HDAC9: variants seen among roughly 807,000 people sequenced by gnomAD.
HDAC9 encodes histone deacetylase 9.
In HDAC9, 41 loss-of-function variants were observed where a neutral mutation model predicts 139.4. The ratio of observed to expected loss-of-function variants is 0.29; its 90% confidence interval spans 0.23 to 0.38. The LOEUF (loss-of-function observed/expected upper bound fraction) is 0.38. Among genes scored for constraint, HDAC9 ranks in the 10% least tolerant of loss-of-function variants. HDAC9 has a pLI of 1.00. For synonymous variants in HDAC9, 517 were observed against 476.2 expected, an observed-to-expected ratio of 1.09 and a Z score of -1.12; for missense variants, 1,147 against 1,297.0, an observed-to-expected ratio of 0.88 and a Z score of 1.78.
chr7:18,593,742 T>C (rs1316859040), intron 5 of HDAC9, among the ~76,000 whole-genome samples, 166 bp from the exon 6 acceptor site: 3 of 152,130 alleles, frequency 2.0e-5, no homozygotes, highest in Non-Finnish European at 2.9e-5. Context: ...TTCCATAGCA[T>C]ACTGCTACAG....
At chr7:18,807,138 T>G (rs76680541) in intron 17 of HDAC9, among the ~76,000 whole-genome samples, 4,225 of 152,282 alleles carry the variant, frequency 0.028, 195 homozygotes, top group African/African-American at 0.097. Context: ...TGCTGTTGCC[T>G]GCTTCAGATT....
At chr7:18,968,333 A>T (rs1784017965) in intron 24 of HDAC9, among the ~76,000 whole-genome samples, 1 of 152,196 alleles carries the variant, frequency 6.6e-6, no homozygotes, top group Non-Finnish European at 1.5e-5. Context: ...AGAAATCAAA[A>T]ATATTCAATA....
intron 1 of HDAC9, among the ~76,000 whole-genome samples, chr7:18,382,560 G>C (rs1785534569): frequency 6.6e-6 from 1 of 152,242 alleles, no homozygotes; most frequent in Admixed American, 6.5e-5. Context: ...TGCGCCCATG[G>C]AGTGTATTAT....
At chr7:18,918,164 G>T (rs1177144172) in intron 22 of HDAC9, among the ~76,000 whole-genome samples, 1 of 152,032 alleles carries the variant, frequency 6.6e-6, no homozygotes, top group Non-Finnish European at 1.5e-5. Flanking sequence ...CGAACAGGAA[G>T]AAAAGGAGAT....
intron 12 of HDAC9, among the ~76,000 whole-genome samples, chr7:18,695,219 GT>G (rs1165524528): frequency 6.6e-6 from 1 of 152,142 alleles, no homozygotes; most frequent in Non-Finnish European, 1.5e-5. Context: ...GACATCTGCA[GT>G]TGTAGCTTGG....
chr7:18,582,681 A>G (rs1170885379), intron 2 of HDAC9, among the ~76,000 whole-genome samples: 3 of 152,208 alleles, frequency 2.0e-5, no homozygotes, highest in Non-Finnish European at 4.4e-5. Context: ...GGTGATTTCA[A>G]TAACAATACT....
At chr7:18,420,817 G>A (rs1291695945) in intron 1 of HDAC9, among the ~76,000 whole-genome samples, 1 of 152,174 alleles carries the variant, frequency 6.6e-6, no homozygotes, top group Non-Finnish European at 1.5e-5. Flanking sequence ...ACAAAATGAA[G>A]CAATTAAGTG....
chr7:18,826,651 T>TTC (rs1238876121), intron 17 of HDAC9, among the ~76,000 whole-genome samples: 66 of 148,238 alleles, frequency 4.5e-4, no homozygotes, highest in African/African-American at 1.6e-3. Flanking sequence ...TTCAAGTCTT[T>TTC]TTTTTTTTTT....
chr7:18,399,716 G>A (rs1787366557), intron 1 of HDAC9, among the ~76,000 whole-genome samples: 1 of 152,154 alleles, frequency 6.6e-6, no homozygotes. Flanking sequence ...TCAGCAGAGT[G>A]TTTGGTGTGT....
chr7:18,148,337 C>T (rs1786501640), intron 1 of HDAC9, among the ~76,000 whole-genome samples: 1 of 152,192 alleles, frequency 6.6e-6, no homozygotes. Context: ...TTCCTTGGAT[C>T]ATGGTCTCTC....
At chr7:18,098,346 G>T (rs1782642099) in intron 1 of HDAC9, among the ~76,000 whole-genome samples, 1 of 152,176 alleles carries the variant, frequency 6.6e-6, no homozygotes, top group African/African-American at 2.4e-5. Flanking sequence ...ATTGAATCTA[G>T]TAGTATGTAA....
At chr7:18,440,950 G>T (rs1229126619) in intron 1 of HDAC9, among the ~76,000 whole-genome samples, 2 of 152,176 alleles carry the variant, frequency 1.3e-5, no homozygotes, top group African/African-American at 4.8e-5. Context: ...AAGAGTTAAT[G>T]ATATTAACTG....
intron 2 of HDAC9, among the ~76,000 whole-genome samples, chr7:18,183,746 A>G (rs926543232): frequency 6.6e-6 from 1 of 152,120 alleles, no homozygotes; most frequent in East Asian, 1.9e-4. Flanking sequence ...TGGCCTCCCA[A>G]AGTGTTGTGA....
chr7:18,196,668 G>A (rs1255401395), intron 2 of HDAC9, among the ~76,000 whole-genome samples: 3 of 152,088 alleles, frequency 2.0e-5, no homozygotes, highest in Non-Finnish European at 4.4e-5. Context: ...AAGTTAAGGA[G>A]TAGAACAGGG....
intron 25 of HDAC9, 54 bp downstream of exon 25, chr7:18,976,007 T>G (rs965388322): frequency 6.4e-6 from 10 of 1,557,124 alleles, no homozygotes; most frequent in Non-Finnish European, 8.7e-6. Flanking sequence ...AGGCTCATCG[T>G]TGATATTTGT....
intron 17 of HDAC9, among the ~76,000 whole-genome samples, chr7:18,827,415 T>C (rs1184507768): frequency 6.6e-6 from 1 of 152,132 alleles, no homozygotes; most frequent in Admixed American, 6.5e-5. Flanking sequence ...TCTGGATATA[T>C]AGAGATGAAT....
chr7:18,835,832 TC>T (rs1796198701), intron 20 of HDAC9, 67 bp from the exon 21 acceptor site: 4 of 1,136,520 alleles, frequency 3.5e-6, no homozygotes, highest in Non-Finnish European at 5.1e-6. Flanking sequence ...GTGCTTGTTT[TC>T]CTCTCTTCTT....
chr7:18,779,157 G>T (rs1791031228), intron 16 of HDAC9, among the ~76,000 whole-genome samples: 2 of 152,028 alleles, frequency 1.3e-5, no homozygotes, highest in Admixed American at 1.3e-4. Context: ...CCAAAGGAAT[G>T]GGCTGTCATT....
At chr7:18,811,119 A>T (rs1050528024) in intron 17 of HDAC9, among the ~76,000 whole-genome samples, 2 of 151,418 alleles carry the variant, frequency 1.3e-5, no homozygotes, top group African/African-American at 4.8e-5. Flanking sequence ...TATTCCTGAG[A>T]GTGGTAATTT....
Sources: gnomAD v4.1 joint callset for allele counts (sites outside exome capture counted in the v4.1 genomes callset) on GRCh38, gnomAD v4.1.1 for gene constraint, MANE v1.5 for transcripts, NCBI Gene and HGNC (gene_info 2026-07-23, HGNC 2026-07-21) for gene names.